The following GADL1 variants were observed in gnomAD, a reference collection of about 807,000 sequenced individuals.
GADL1 encodes the protein GAD like acidic amino acid decarboxylase 1.
GADL1 carries 71 observed loss-of-function variants against 69.5 expected under a neutral mutation model. That is an observed-to-expected ratio of 1.02 (90% CI 0.84 to 1.25). GADL1 has a LOEUF of 1.25. GADL1 is among the 50% of genes most tolerant of loss of function. The pLI, the probability that GADL1 is intolerant of heterozygous loss-of-function variation, is 0.00. For synonymous variants in GADL1, 254 were observed against 214.4 expected (o/e 1.18, Z -1.62); for missense variants, 737 against 631.8 (o/e 1.17, Z -1.79).
At chr3:30,790,491 A>AC (rs1180529072) in intron 12 of GADL1, among the ~76,000 whole-genome samples, 1 of 152,112 alleles carries the variant, frequency 6.6e-6, no homozygotes, top group Non-Finnish European at 1.5e-5. Context: ...AAACAACAAA[A>AC]CCCCCAAAAC....
intron 1 of GADL1, among the ~76,000 whole-genome samples, chr3:30,876,711 T>C (rs1166866331): frequency 6.6e-6 from 1 of 151,922 alleles, no homozygotes; most frequent in Non-Finnish European, 1.5e-5. Flanking sequence ...ATGCCAAGTG[T>C]GAAGATCTAA....
At chr3:30,816,533 T>C (rs199829535) in intron 11 of GADL1, among the ~76,000 whole-genome samples, 1 of 41,832 alleles carries the variant, frequency 2.4e-5, no homozygotes, top group South Asian at 1.1e-3. Context: ...TTGTTTTCTT[T>C]TTTTTTTTTT....
chr3:30,789,605 A>G (rs1485130904), intron 12 of GADL1, among the ~76,000 whole-genome samples: 8 of 152,194 alleles, frequency 5.3e-5, no homozygotes, highest in African/African-American at 1.7e-4. Context: ...TTCTTCCAAT[A>G]TAAGACTGAT....
chr3:30,856,768 T>C (rs955619671), intron 3 of GADL1, among the ~76,000 whole-genome samples: 10 of 151,882 alleles, frequency 6.6e-5, no homozygotes, highest in African/African-American at 2.4e-4. Flanking sequence ...TATGTGGGGG[T>C]TGGCAAGGAG....
chr3:30,864,051 A>G (rs1050723033), intron 1 of GADL1, among the ~76,000 whole-genome samples: 3 of 152,004 alleles, frequency 2.0e-5, no homozygotes, highest in Non-Finnish European at 4.4e-5. Flanking sequence ...ATGAAAGGAA[A>G]CATTTAACAT....
chr3:30,730,022 A>C (rs534015342), intron 14 of GADL1, among the ~76,000 whole-genome samples: 2 of 152,336 alleles, frequency 1.3e-5, no homozygotes, highest in African/African-American at 4.8e-5. Context: ...ATGGGCCATC[A>C]GGTTCTACAA....
chr3:30,833,410 C>T (rs1446832929), intron 11 of GADL1, among the ~76,000 whole-genome samples: 1 of 152,022 alleles, frequency 6.6e-6, no homozygotes, highest in East Asian at 1.9e-4. Context: ...AAATGTCTTC[C>T]CATATAAACG....
At chr3:30,766,710 A>G (rs531504386) in intron 14 of GADL1, among the ~76,000 whole-genome samples, 2 of 152,168 alleles carry the variant, frequency 1.3e-5, no homozygotes, top group Non-Finnish European at 2.9e-5. Flanking sequence ...TTTCCAAGTA[A>G]AGACAGGAGA....
chr3:30,804,847 T>C (rs1264972016), intron 11 of GADL1, among the ~76,000 whole-genome samples: 1 of 152,238 alleles, frequency 6.6e-6, no homozygotes, highest in African/African-American at 2.4e-5. Context: ...AGAGAGACTC[T>C]TGGCCTCCTA....
At chr3:30,759,170 C>A (rs1255683743) in intron 14 of GADL1, among the ~76,000 whole-genome samples, 1 of 152,170 alleles carries the variant, frequency 6.6e-6, no homozygotes, top group African/African-American at 2.4e-5. Flanking sequence ...CAGATTGGAG[C>A]AGAAGCAGCA....
At chr3:30,735,032 C>T (rs1207262489) in intron 14 of GADL1, among the ~76,000 whole-genome samples, 2 of 152,082 alleles carry the variant, frequency 1.3e-5, no homozygotes, top group Non-Finnish European at 1.5e-5. Context: ...TGTTTTTCTT[C>T]CTGATTTAGT....
intron 14 of GADL1, among the ~76,000 whole-genome samples, chr3:30,762,707 CTT>C (rs1327109577): frequency 6.6e-6 from 1 of 152,050 alleles, no homozygotes; most frequent in Non-Finnish European, 1.5e-5. Flanking sequence ...CTCCTTCATT[CTT>C]TTTATTTTGG....
intron 14 of GADL1, among the ~76,000 whole-genome samples, chr3:30,730,451 G>T (rs894025897): frequency 6.6e-6 from 1 of 152,104 alleles, no homozygotes; most frequent in Non-Finnish European, 1.5e-5. Flanking sequence ...CACGGAGATC[G>T]CTACACAGGT....
chr3:30,730,924 C>G (rs1044714265), intron 14 of GADL1, among the ~76,000 whole-genome samples: 2 of 152,192 alleles, frequency 1.3e-5, no homozygotes, highest in Non-Finnish European at 2.9e-5. Context: ...ATTTAAACCT[C>G]TGACCCACCA....
chr3:30,833,843 G>GA lies in GADL1; in HGVS notation c.1050+9dup, dbSNP rs1371132552. ...CTTGAAGCCCAAAGGACCACAAGAG[G>GA]AAAACTTACAGATTTGTCTTTCACA... On this transcript the variant is annotated intron_variant, in intron 11 of 14. Transcript: ENST00000282538. 7 of 1,605,302 alleles carry GA rather than the reference G, an allele frequency of 4.4e-6. No individual in the cohort carries two copies. Among genetic ancestry groups the GA allele is most frequent in the Non-Finnish European group, 6.0e-6 (7 of 1,172,616 alleles).
intron 4 of GADL1, among the ~76,000 whole-genome samples, chr3:30,852,000 G>GAAA (rs1238453504): frequency 6.6e-6 from 1 of 152,106 alleles, no homozygotes; most frequent in East Asian, 1.9e-4. Flanking sequence ...CTTTTCAATT[G>GAAA]AGGGATTACA....
At chr3:30,748,432 A>C (rs906064897) in intron 14 of GADL1, among the ~76,000 whole-genome samples, 2 of 147,578 alleles carry the variant, frequency 1.4e-5, no homozygotes, top group Non-Finnish European at 3.0e-5. Context: ...CACTGACTAC[A>C]GTAAGGATGT....
intron 14 of GADL1, among the ~76,000 whole-genome samples, chr3:30,758,043 A>G (rs1355295194): frequency 6.6e-6 from 1 of 152,118 alleles, no homozygotes; most frequent in African/African-American, 2.4e-5. Context: ...TATAGACGAA[A>G]CTTCTCAAGA....
intron 11 of GADL1, among the ~76,000 whole-genome samples, chr3:30,828,258 A>G (rs1293679282): frequency 6.6e-6 from 1 of 151,866 alleles, no homozygotes; most frequent in East Asian, 1.9e-4. Context: ...TGTAATATCA[A>G]TCATTCAGAA....
Sources: allele counts gnomAD v4.1 joint callset (sites outside exome capture counted in the v4.1 genomes callset), GRCh38; gene constraint gnomAD v4.1.1; transcripts MANE v1.5; gene names NCBI Gene and HGNC (gene_info 2026-07-23, HGNC 2026-07-21).